The following ADGRG7 variants were observed in gnomAD, a reference collection of about 807,000 sequenced individuals.
The protein encoded by ADGRG7 is G-protein coupled receptor 128.
A neutral mutation model predicts 88.6 loss-of-function variants in ADGRG7; 82 were observed. The observed-to-expected ratio is 0.93, with a 90% CI of 0.77 to 1.11. The LOEUF is 1.11. Ranked by LOEUF, ADGRG7 falls within the 50% of genes most tolerant of loss-of-function variation. ADGRG7 has a pLI of 0.00. For synonymous variants in ADGRG7, 381 were observed against 345.2 expected, an observed-to-expected ratio of 1.10 and a Z score of -1.15; for missense variants, 945 against 953.4, an observed-to-expected ratio of 0.99 and a Z score of 0.12.
rs943294424 is a variant in ADGRG7 at position 100,644,451 on chromosome 3, A to G, written c.946+818A>G. On this transcript the variant is annotated intron_variant, in intron 8 of 15. Transcript: ENST00000273352. Reference sequence around the variant, plus strand: ...TTTAATTTAAAAATACTTCATGCATACAGAAAAGTACAGAAAGTAATGTGA... The same window carrying G: ...TTTAATTTAAAAATACTTCATGCATGCAGAAAAGTACAGAAAGTAATGTGA... Among the ~76,000 whole-genome samples the G allele has an allele frequency of 7.9e-5, 12 of 152,180 alleles. 1 individual carries two copies. The highest frequency in any genetic ancestry group is 1.5e-5 in the Non-Finnish European group (1 of 68,036).
intron 1 of ADGRG7, among the ~76,000 whole-genome samples, chr3:100,610,647 G>C (rs1041681049): frequency 1.3e-5 from 2 of 152,180 alleles, no homozygotes; most frequent in Admixed American, 6.5e-5. Flanking sequence ...AGAAAAGCCC[G>C]CTGGAACTCA....
chr3:100,646,266 C>T, intron 9 of ADGRG7, 158 bp downstream of exon 9: 2 of 675,218 alleles, frequency 3.0e-6, no homozygotes, highest in Non-Finnish European at 4.9e-6. Context: ...TCAGACCACT[C>T]TTGAATAGCA....
intron 8 of ADGRG7, among the ~76,000 whole-genome samples, chr3:100,644,488 G>A (rs573078447): frequency 1.1e-3 from 164 of 152,148 alleles, no homozygotes; most frequent in South Asian, 2.1e-3. Flanking sequence ...CAGTACCTAT[G>A]TAACTATCAG....
intron 4 of ADGRG7, among the ~76,000 whole-genome samples, chr3:100,633,808 A>C (rs746083846): frequency 6.6e-6 from 1 of 152,180 alleles, no homozygotes; most frequent in South Asian, 2.1e-4. Context: ...AGGCGTAGTA[A>C]GTAAGCCACC....
At chr3:100,621,035 A>G (rs1256754170) in intron 1 of ADGRG7, among the ~76,000 whole-genome samples, 2 of 151,910 alleles carry the variant, frequency 1.3e-5, no homozygotes, top group South Asian at 2.1e-4. Flanking sequence ...TACTATTGCA[A>G]TTGTTTTTGG....
chr3:100,612,755 T>C (rs1385556348), intron 1 of ADGRG7, among the ~76,000 whole-genome samples: 2 of 152,230 alleles, frequency 1.3e-5, no homozygotes, highest in Non-Finnish European at 2.9e-5. Context: ...TTATCCCCGC[T>C]TATCTCCAGA....
intron 14 of ADGRG7, 131 bp from the exon 15 acceptor site, chr3:100,668,818 G>A (rs2094954706): frequency 1.9e-6 from 1 of 536,628 alleles, no homozygotes; most frequent in African/African-American, 2.0e-5. Flanking sequence ...TTTTCCACCT[G>A]GGGCATAATA....
At chr3:100,650,310 T>A (rs2094927108) in intron 11 of ADGRG7, among the ~76,000 whole-genome samples, 1 of 152,238 alleles carries the variant, frequency 6.6e-6, no homozygotes, top group Non-Finnish European at 1.5e-5. Flanking sequence ...CTCTCCACCT[T>A]GACCCCTTCA....
At chr3:100,626,967 C>T (rs1707387879) in intron 1 of ADGRG7, among the ~76,000 whole-genome samples, 1 of 152,114 alleles carries the variant, frequency 6.6e-6, no homozygotes, top group African/African-American at 2.4e-5. Context: ...TTGCTAAATT[C>T]ACTTATTAAT....
intron 1 of ADGRG7, among the ~76,000 whole-genome samples, chr3:100,616,268 A>T (rs1707223654): frequency 6.6e-6 from 1 of 152,188 alleles, no homozygotes; most frequent in African/African-American, 2.4e-5. Flanking sequence ...GCGAACCATG[A>T]TGCTGGAGAG....
At chr3:100,682,387 C>A (rs1433573804) in intron 15 of ADGRG7, among the ~76,000 whole-genome samples, 7 of 152,172 alleles carry the variant, frequency 4.6e-5, no homozygotes, top group African/African-American at 1.7e-4. Flanking sequence ...GAAGTGGGAG[C>A]AGTGCCCGCT....
At chr3:100,620,512 C>A (rs1490355323) in intron 1 of ADGRG7, among the ~76,000 whole-genome samples, 1 of 152,090 alleles carries the variant, frequency 6.6e-6, no homozygotes, top group Non-Finnish European at 1.5e-5. Flanking sequence ...ACAGGGATGC[C>A]CTGTGTCACC....
At chr3:100,649,612 A>G in intron 10 of ADGRG7, 83 bp from the exon 11 acceptor site, 1 of 681,756 alleles carries the variant, frequency 1.5e-6, no homozygotes, top group South Asian at 2.1e-5. Flanking sequence ...GGTTATTTTG[A>G]CCCATGTAAC....
intron 1 of ADGRG7, among the ~76,000 whole-genome samples, chr3:100,614,703 T>C (rs895999959): frequency 6.6e-6 from 1 of 152,204 alleles, no homozygotes; most frequent in African/African-American, 2.4e-5. Flanking sequence ...TAAGGAAATA[T>C]GTTTTTATTT....
At chr3:100,694,682 A>G in intron 15 of ADGRG7, 62 bp from the exon 16 acceptor site, 1 of 1,489,342 alleles carries the variant, frequency 6.7e-7, no homozygotes, top group Non-Finnish European at 9.2e-7. Flanking sequence ...GTGAAATAAA[A>G]TGTCTTCCTT....
intron 15 of ADGRG7, among the ~76,000 whole-genome samples, chr3:100,690,635 C>G (rs1347331862): frequency 1.3e-5 from 2 of 152,186 alleles, no homozygotes; most frequent in African/African-American, 4.8e-5. Context: ...GAGGTCCACT[C>G]CAGACCCTGT....
chr3:100,668,852 G>T, intron 14 of ADGRG7, 97 bp from the exon 15 acceptor site: 1 of 789,906 alleles, frequency 1.3e-6, no homozygotes, highest in Non-Finnish European at 2.0e-6. Context: ...AATGTATATG[G>T]GCAGCTGAAT....
In ADGRG7 at chr3:100,681,403, C is replaced by T. The variant is rs370249375; in HGVS notation, c.2136+12298C>T. Among the ~76,000 whole-genome samples, 36 of 151,820 alleles carry T rather than the reference C, an allele frequency of 2.4e-4. 1 individual carries two copies. In the East Asian group the frequency reaches 6.4e-3, roughly 27 times the overall value. ...TCAGCTCACTGCAACCTCCGCTTCC[C>T]GGGTTCAAGCAATTCTCCTGCTTCA... On this transcript the variant is annotated intron_variant, in intron 15 of 15. Coordinates refer to ENST00000273352, the MANE Select transcript of ADGRG7 (RefSeq NM_032787.3).
Position 100,646,722 on chromosome 3 carries a change from A to G in ADGRG7, c.1264A>G (p.Met422Val), listed in dbSNP as rs1251565914. The change falls in exon 10 of 16, where the codon ATG (methionine) becomes GTG (valine). Residue 422 changes from methionine (M) to valine (V), a missense_variant and splice_region_variant. Met to Val is a conservative substitution (Grantham distance 21). Transcript: ENST00000273352. ...CCATACTACTAATTTTGCTGTATTA[A>G]TGGTAAGGATATACATAGCAATCTC... ...CNHTTNFAVL[M>V]TFKKDYQYPK... The G allele has an allele frequency of 6.2e-7, 1 of 1,613,836 alleles. No individual in the cohort carries two copies. Among genetic ancestry groups the G allele is most frequent in the Non-Finnish European group, 8.5e-7 (1 of 1,179,756 alleles).
Sources: allele counts gnomAD v4.1 joint callset (sites outside exome capture counted in the v4.1 genomes callset), GRCh38; gene constraint gnomAD v4.1.1; transcripts MANE v1.5; gene names NCBI Gene and HGNC (gene_info 2026-07-23, HGNC 2026-07-21).